AP3S2: variants seen among roughly 807,000 people sequenced by gnomAD.
AP3S2 encodes the protein AP-3 complex subunit sigma-2.
Under a neutral mutation model 23.4 loss-of-function variants are expected in AP3S2, and 22 were observed. The observed-to-expected ratio is 0.94, with a 90% CI of 0.67 to 1.34. AP3S2 has a LOEUF of 1.34. AP3S2 is among the 40% of genes most tolerant of loss of function. The pLI is 0.00. For missense variants in AP3S2, 241 were observed against 236.9 expected (o/e 1.02, Z -0.11); for synonymous variants, 86 against 87.1 (o/e 0.99, Z 0.07).
intron 4 of AP3S2, among the ~76,000 whole-genome samples, chr15:89,859,308 CTTCCT>C (rs765602041): frequency 7.1e-6 from 1 of 140,018 alleles, no homozygotes; most frequent in Non-Finnish European, 1.5e-5. Context: ...TTCTTCCTTC[CTTCCT>C]TTCCTTCCTT....
chr15:89,884,625 C>A (rs1008719427), intron 3 of AP3S2, among the ~76,000 whole-genome samples: 2 of 151,012 alleles, frequency 1.3e-5, no homozygotes. Context: ...AGTACTAATA[C>A]GCAATATTTG....
intron 4 of AP3S2, among the ~76,000 whole-genome samples, chr15:89,844,269 T>TTC (rs796817436): frequency 0.025 from 305 of 12,092 alleles, 1 homozygote; most frequent in African/African-American, 0.08. Flanking sequence ...CTTTCTTTCT[T>TTC]TCTCTCTCTC....
chr15:89,872,116 CAAA>C (rs71151540), intron 3 of AP3S2, among the ~76,000 whole-genome samples: 2 of 128,910 alleles, frequency 1.6e-5, no homozygotes, highest in Admixed American at 7.7e-5. Flanking sequence ...GAGAGTCTCT[CAAA>C]AAAAAAAAAA....
chr15:89,838,734 G>A (rs1323479243), intron 4 of AP3S2, among the ~76,000 whole-genome samples: 1 of 152,190 alleles, frequency 6.6e-6, no homozygotes, highest in Non-Finnish European at 1.5e-5. Flanking sequence ...AGGGTACAGT[G>A]GCTAGAGAGA....
At chr15:89,870,616 A>G (rs1896296650) in intron 4 of AP3S2, among the ~76,000 whole-genome samples, 1 of 152,224 alleles carries the variant, frequency 6.6e-6, no homozygotes, top group Admixed American at 6.5e-5. Context: ...TCCTTTAGAC[A>G]GCAATGCTAG....
intron 4 of AP3S2, chr15:89,845,247 T>C (rs1895458457): frequency 6.6e-6 from 1 of 152,196 alleles, no homozygotes; most frequent in Non-Finnish European, 1.5e-5. Context: ...AATCTGTATA[T>C]TATTTAATCA....
intron 4 of AP3S2, among the ~76,000 whole-genome samples, chr15:89,846,915 C>A (rs181565497): frequency 1.6e-3 from 251 of 152,264 alleles, no homozygotes; most frequent in African/African-American, 5.6e-3. Context: ...AGGTGATCCG[C>A]CCACCTCAGC....
At chr15:89,886,227 G>A (rs1210442809) in intron 3 of AP3S2, among the ~76,000 whole-genome samples, 2 of 152,078 alleles carry the variant, frequency 1.3e-5, no homozygotes, top group Non-Finnish European at 2.9e-5. Context: ...TGTAATCCCA[G>A]CTACTCGAGA....
chr15:89,837,810 G>C, intron 4 of AP3S2, 88 bp from the exon 5 acceptor site: 1 of 1,519,142 alleles, frequency 6.6e-7, no homozygotes, highest in Middle Eastern at 1.8e-4. Context: ...CAGCAGCAGA[G>C]TGGTCAGATA....
intron 4 of AP3S2, among the ~76,000 whole-genome samples, chr15:89,863,383 C>G (rs1192027629): frequency 6.6e-6 from 1 of 152,036 alleles, no homozygotes; most frequent in Non-Finnish European, 1.5e-5. Context: ...CACTCCGAGA[C>G]CAGGGCATTC....
At chr15:89,843,794 G>A (rs532135190) in intron 4 of AP3S2, among the ~76,000 whole-genome samples, 5 of 152,262 alleles carry the variant, frequency 3.3e-5, no homozygotes, top group African/African-American at 1.2e-4. Context: ...GGCAACAAGA[G>A]TGAAACTCCG....
chr15:89,835,264 C>T lies in AP3S2; in HGVS notation c.*251G>A. The T allele has an allele frequency of 1.8e-6, 1 of 558,032 alleles. No individual in the cohort carries two copies. The highest frequency in any genetic ancestry group is 3.0e-6 in the Non-Finnish European group (1 of 330,290). 34.6% of individuals were successfully genotyped at this position (558,032 alleles called of 1,614,324 possible). ...TGACTCCCTACTGAGGAAGGCAGGG[C>T]CCCTCACATCTGCAGTGGCCGTATG... On this transcript the variant is annotated 3_prime_UTR_variant, in exon 6 of 6. Coordinates refer to ENST00000336418, the MANE Select transcript of AP3S2 (RefSeq NM_005829.5).
At chr15:89,857,450 G>C (rs932232607) in intron 4 of AP3S2, among the ~76,000 whole-genome samples, 24 of 152,118 alleles carry the variant, frequency 1.6e-4, no homozygotes, top group African/African-American at 4.6e-4. Context: ...AGAGAGCCAA[G>C]GTAAAGACAA....
chr15:89,835,669 G>A (rs745494677), intron 5 of AP3S2, 26 bp from the exon 6 acceptor site: 3 of 1,344,320 alleles, frequency 2.2e-6, no homozygotes, highest in Non-Finnish European at 3.1e-6. Context: ...AGGCGAGTAT[G>A]AGACAAATTC....
chr15:89,882,717 A>G (rs1034813612), intron 3 of AP3S2, among the ~76,000 whole-genome samples: 1 of 152,168 alleles, frequency 6.6e-6, no homozygotes, highest in African/African-American at 2.4e-5. Flanking sequence ...GAACTCTATT[A>G]TTAGTTCCAA....
chr15:89,858,125 G>C (rs948663858), intron 4 of AP3S2, among the ~76,000 whole-genome samples: 5 of 152,054 alleles, frequency 3.3e-5, no homozygotes, highest in African/African-American at 4.8e-5. Context: ...CTGGAAAAGG[G>C]TTCTTAGTTA....
chr15:89,866,273 A>AT (rs1189263191), intron 4 of AP3S2, among the ~76,000 whole-genome samples: 1 of 151,108 alleles, frequency 6.6e-6, no homozygotes, highest in East Asian at 1.9e-4. Flanking sequence ...AAAAAAAAAA[A>AT]AAAAAAAAGT....
At chr15:89,858,471 G>T (rs901484680) in intron 4 of AP3S2, among the ~76,000 whole-genome samples, 45 of 27,296 alleles carry the variant, frequency 1.6e-3, no homozygotes, top group Non-Finnish European at 3.0e-3. Flanking sequence ...AAGAAAGAAA[G>T]AAAGAAAGAA....
intron 4 of AP3S2, among the ~76,000 whole-genome samples, chr15:89,868,931 C>A: frequency 7.6e-6 from 1 of 132,278 alleles, no homozygotes; most frequent in African/African-American, 2.9e-5. Flanking sequence ...CCAGCCGCCC[C>A]GTCCGGGAGG....
Sources: gnomAD v4.1 joint callset for allele counts (sites outside exome capture counted in the v4.1 genomes callset) on GRCh38, gnomAD v4.1.1 for gene constraint, MANE v1.5 for transcripts, NCBI Gene and HGNC (gene_info 2026-07-23, HGNC 2026-07-21) for gene names.